Variants in CTNS observed in about 807,000 individuals in gnomAD.
CTNS encodes the protein cystinosin, lysosomal cystine transporter, also known as cystinosin.
CTNS carries 27 observed loss-of-function variants against 43.7 expected under a neutral mutation model. The ratio of observed to expected loss-of-function variants is 0.62; its 90% CI spans 0.46 to 0.85. The LOEUF is 0.85. CTNS is among the 40% of genes least tolerant of loss of function. The probability of loss-of-function intolerance (pLI) is 0.00; values close to 1 mark genes in which losing one functional copy is unlikely to be tolerated. For synonymous variants in CTNS, 187 were observed against 190.6 expected (o/e 0.98, Z 0.16); for missense variants, 457 against 475.4 (o/e 0.96, Z 0.36).
chr17:3,654,765 C>CGG (rs1310403857), intron 5 of CTNS, among the ~76,000 whole-genome samples: 1 of 151,016 alleles, frequency 6.6e-6, no homozygotes, highest in Non-Finnish European at 1.5e-5. Flanking sequence ...GAGGCTGAGG[C>CGG]GGGTAGATTG....
chr17:3,641,065 T>C (rs112066702), intron 3 of CTNS, among the ~76,000 whole-genome samples: 6 of 151,992 alleles, frequency 3.9e-5, no homozygotes, highest in African/African-American at 1.4e-4. Context: ...CAGCATCCCC[T>C]TGTAAGATGA....
chr17:3,659,017 C>T lies in CTNS; in HGVS notation c.853-841C>T, dbSNP rs909931561. Among the ~76,000 whole-genome samples the T allele has an allele frequency of 1.1e-4, 17 of 152,008 alleles. No homozygotes were observed. In the South Asian group the frequency reaches 1.9e-3, roughly 17 times the overall value. ...AAGGTTTGGGGAAGTGGGCCCCAGT[C>T]CCTGAGGGTGGGAGGGATTGGGGCC... On this transcript the variant is annotated intron_variant, in intron 10 of 11. Coordinates refer to ENST00000046640, the MANE Select transcript of CTNS (RefSeq NM_004937.3).
At chr17:3,647,941 C>T (rs992431388) in intron 4 of CTNS, among the ~76,000 whole-genome samples, 1 of 152,196 alleles carries the variant, frequency 6.6e-6, no homozygotes, top group Non-Finnish European at 1.5e-5. Flanking sequence ...GTGGCCACGT[C>T]GGGTGAATGC....
At position 3,661,129 on chromosome 17, in the gene CTNS, G is replaced by C; in HGVS notation, c.*760G>C. 3.0e-6 allele frequency: 1 copy of C among 333,404 alleles called. No homozygotes were observed. Among genetic ancestry groups the C allele is most frequent in the Non-Finnish European group, 5.9e-6 (1 of 170,550 alleles). The allele number at this position is 333,404 out of a possible 1,614,324, so 20.7% of individuals were successfully genotyped here. A position where few individuals can be genotyped will look rare whatever the true frequency, so the allele number is the denominator to read the frequency against. On this transcript the variant is annotated 3_prime_UTR_variant, in exon 12 of 12. Coordinates refer to ENST00000046640, the MANE Select transcript of CTNS (RefSeq NM_004937.3). The stretch of plus-strand genomic sequence containing the variant: ...GATTAGCCCCATCTGAGCACATCCA[G>C]CTGCTCCTTACCCAGCATCTGGAGT...
chr17:3,645,130 A>G (rs1191158382), intron 3 of CTNS, among the ~76,000 whole-genome samples: 1 of 152,232 alleles, frequency 6.6e-6, no homozygotes, highest in African/African-American at 2.4e-5. Flanking sequence ...AGTCCCAGCT[A>G]TGCAAGCCCA....
At chr17:3,654,697 A>AAGGGAG (rs397857564) in intron 5 of CTNS, among the ~76,000 whole-genome samples, 1 of 148,446 alleles carries the variant, frequency 6.7e-6, no homozygotes. Flanking sequence ...AAAAAAAAAA[A>AAGGGAG]GGAAAGTCTC....
chr17:3,642,337 G>A (rs1403444426), intron 3 of CTNS, among the ~76,000 whole-genome samples: 1 of 152,096 alleles, frequency 6.6e-6, no homozygotes, highest in African/African-American at 2.4e-5. Context: ...ACAAAGCTGG[G>A]ACCTGCATAG....
intron 4 of CTNS, among the ~76,000 whole-genome samples, chr17:3,648,365 C>T (rs2075894881): frequency 6.6e-6 from 1 of 152,232 alleles, no homozygotes; most frequent in South Asian, 2.1e-4. Flanking sequence ...CCTCTAAACC[C>T]AGGGCCAGGG....
chr17:3,660,883 CCA>C lies in CTNS; in HGVS notation c.*516_*517del. On this transcript the variant is annotated 3_prime_UTR_variant, in exon 12 of 12. Transcript: ENST00000046640. Reference sequence around the variant, plus strand: ...GGCCATGGGGCTCTTTCTCTGAAGGCCACTTTCCTGACGTACTCTCTGTACAT... The same window carrying C: ...GGCCATGGGGCTCTTTCTCTGAAGGCCTTTCCTGACGTACTCTCTGTACAT... 1 of 1,195,158 alleles carries C rather than the reference CCA, an allele frequency of 8.4e-7. No individual in the cohort carries two copies. Among genetic ancestry groups the C allele is most frequent in the South Asian group, 1.3e-5 (1 of 76,304 alleles). The allele number at this position is 1,195,158 out of a possible 1,614,324, so 74.0% of individuals were successfully genotyped here.
intron 5 of CTNS, chr17:3,650,532 G>C (rs2075954494): frequency 1.8e-6 from 1 of 562,788 alleles, no homozygotes. Flanking sequence ...GCATTGCTGA[G>C]AGGGGATCTC....
At chr17:3,648,570 G>T (rs1461919584) in intron 4 of CTNS, among the ~76,000 whole-genome samples, 2 of 152,194 alleles carry the variant, frequency 1.3e-5, no homozygotes, top group East Asian at 1.9e-4. Flanking sequence ...AGGGAGCCAC[G>T]GTCCTGGGCC....
At chr17:3,652,676 G>A (rs1282065631) in intron 5 of CTNS, among the ~76,000 whole-genome samples, 2 of 152,172 alleles carry the variant, frequency 1.3e-5, no homozygotes, top group Non-Finnish European at 2.9e-5. Context: ...ATTCTGTCTT[G>A]TATCGGTCAA....
chr17:3,642,173 G>C (rs919188468), intron 3 of CTNS, among the ~76,000 whole-genome samples: 3 of 147,534 alleles, frequency 2.0e-5, no homozygotes, highest in African/African-American at 7.7e-5. Flanking sequence ...GTGCCCAGTC[G>C]CTCATACATA....
intron 9 of CTNS, chr17:3,657,790 G>T: frequency 1.7e-6 from 1 of 603,288 alleles, no homozygotes; most frequent in East Asian, 2.8e-5. Context: ...GTTGGTGCTG[G>T]GGATGTCCAG....
In CTNS at chr17:3,660,916, A is replaced by C; in HGVS notation, c.*547A>C. The C allele has an allele frequency of 1.1e-6, 1 of 898,838 alleles. No homozygotes were observed. The highest frequency in any genetic ancestry group is 1.7e-6 in the Non-Finnish European group (1 of 583,596). The allele number at this position is 898,838 out of a possible 1,614,324, so 55.7% of individuals were successfully genotyped here. A position where few individuals can be genotyped will look rare whatever the true frequency, so the allele number is the denominator to read the frequency against. On this transcript the variant is annotated 3_prime_UTR_variant, in exon 12 of 12. Coordinates refer to ENST00000046640, the MANE Select transcript of CTNS (RefSeq NM_004937.3). ...CTGACGTACTCTCTGTACATAACTC[A>C]GCGTCCGTGACTGCAGTAACAGCCA... is the stretch of plus-strand genomic sequence containing the variant.
Position 3,656,684 on chromosome 17 carries a change from T to G in CTNS, c.570T>G (p.Phe190Leu), listed in dbSNP as rs749999133. 2 of 1,612,748 alleles carry G rather than the reference T, an allele frequency of 1.2e-6. No individual in the cohort carries two copies. Among genetic ancestry groups the G allele is most frequent in the Non-Finnish European group, 1.7e-6 (2 of 1,179,786 alleles). ...TCCCACCCACCAAACAGGAGCAGTT[T>G]CTCCTCAAATACCCCAACGGAGTGA... ...LLWVPYIKEQ[F>L]LLKYPNGVNP... The change falls in exon 9 of 12, where the codon TTT becomes TTG. Residue 190 changes from phenylalanine to leucine, a missense_variant. By Grantham distance (22) the Phe-to-Leu change is conservative. Transcript: ENST00000046640.
intron 3 of CTNS, among the ~76,000 whole-genome samples, chr17:3,642,425 C>G (rs1223306618): frequency 6.6e-6 from 1 of 152,158 alleles, no homozygotes. Flanking sequence ...CTGTAGTTCA[C>G]GCCTGTAATC....
intron 2 of CTNS, among the ~76,000 whole-genome samples, chr17:3,639,248 G>C (rs2075621321): frequency 6.6e-6 from 1 of 152,156 alleles, no homozygotes; most frequent in Admixed American, 6.5e-5. Context: ...CACCTGCTGT[G>C]TCTTGGGTTT....
Position 3,661,095 on chromosome 17 carries a change from A to C in CTNS, c.*726A>C. The C allele has an allele frequency of 1.1e-5, 4 of 353,990 alleles. No homozygotes were observed. The highest frequency in any genetic ancestry group is 2.3e-5 in the South Asian group (1 of 43,426). The allele number at this position is 353,990 out of a possible 1,614,324, so 21.9% of individuals were successfully genotyped here. On this transcript the variant is annotated 3_prime_UTR_variant, in exon 12 of 12. Coordinates refer to ENST00000046640, the MANE Select transcript of CTNS (RefSeq NM_004937.3). The stretch of plus-strand genomic sequence containing the variant: ...CTCTTCTGCCCTCTCTCCTACCTCC[A>C]CCTTCTCAGATTAGCCCCATCTGAG...
Sources: allele counts gnomAD v4.1 joint callset (sites outside exome capture counted in the v4.1 genomes callset), GRCh38; gene constraint gnomAD v4.1.1; transcripts MANE v1.5; gene names NCBI Gene and HGNC (gene_info 2026-07-23, HGNC 2026-07-21).